Variants in FLT3 observed in about 807,000 individuals in gnomAD.
The protein encoded by FLT3 is receptor-type tyrosine-protein kinase FLT3.
Under a neutral mutation model 126.6 loss-of-function variants are expected in FLT3, and 46 were observed. The ratio of observed to expected loss-of-function variants is 0.36; its 90% CI spans 0.29 to 0.46. The LOEUF (loss-of-function observed/expected upper bound fraction) is 0.46. Among genes scored for constraint, FLT3 ranks in the 20% least tolerant of loss-of-function variants. The probability of loss-of-function intolerance (pLI) is 1.00; values close to 1 mark genes in which losing one functional copy is unlikely to be tolerated. For missense variants in FLT3, 1,069 were observed against 1,190.3 expected, an observed-to-expected ratio of 0.90 and a Z score of 1.50; for synonymous variants, 404 against 434.4, an observed-to-expected ratio of 0.93 and a Z score of 0.87.
chr13:28,056,290 CAGA>C (rs1296629742), intron 4 of FLT3, among the ~76,000 whole-genome samples: 2 of 152,144 alleles, frequency 1.3e-5, no homozygotes, highest in African/African-American at 2.4e-5. Context: ...ATGAAACAGG[CAGA>C]AGATCTTCAG....
rs543502987 is a variant in FLT3, at chr13:28,100,072, G to C, written c.43+396C>G. ...ACAGTATCCAAGGGCCGGGCCAGGAGAGGTCCTTGGCCACCTGGCGCCGAG... is the reference window on the plus strand; with the variant it reads ...ACAGTATCCAAGGGCCGGGCCAGGACAGGTCCTTGGCCACCTGGCGCCGAG... On this transcript the variant is annotated intron_variant, in intron 1 of 23. Transcript: ENST00000241453. This position sits in a 1 kb window ranked among gnomAD's most constrained non-coding sequence, Gnocchi z 4.8. 6.6e-6 allele frequency among the ~76,000 whole-genome samples: 1 copy of C among 152,256 alleles called. No individual in the cohort carries two copies. Among genetic ancestry groups the C allele is most frequent in the African/African-American group, 2.4e-5 (1 of 41,574 alleles).
At chr13:28,053,693 A>G (rs1458929174) in intron 4 of FLT3, among the ~76,000 whole-genome samples, 2 of 152,042 alleles carry the variant, frequency 1.3e-5, no homozygotes, top group African/African-American at 2.4e-5. Flanking sequence ...TGTAACTTCT[A>G]CAACTTCATT....
chr13:28,084,261 G>A (rs1878510185), intron 1 of FLT3, among the ~76,000 whole-genome samples: 1 of 151,844 alleles, frequency 6.6e-6, no homozygotes, highest in African/African-American at 2.4e-5. Context: ...CAAAAATGCT[G>A]GGATTACATG....
chr13:28,091,284 C>G (rs866854064), intron 1 of FLT3, among the ~76,000 whole-genome samples: 140 of 122,528 alleles, frequency 1.1e-3, no homozygotes, highest in East Asian at 0.011. Context: ...TGCAGTGGCG[C>G]GATCTCGGCT....
In FLT3 at chr13:28,059,355, C is replaced by T. The variant is rs73154840; in HGVS notation, c.369-1893G>A. Among the ~76,000 whole-genome samples the T allele has an allele frequency of 7.4e-3, 1,126 of 152,216 alleles. 6 individuals carry two copies. Among genetic ancestry groups the T allele is most frequent in the Non-Finnish European group, 0.013 (855 of 68,034 alleles). On this transcript the variant is annotated intron_variant, in intron 3 of 23. Transcript: ENST00000241453. The stretch of plus-strand genomic sequence containing the variant: ...CCACAAGAATGTAAAAGAAAGGCTG[C>T]GTTAAGAGGGCATTTAATTGACCTA...
At chr13:28,006,855 T>C (rs747618284) in intron 23 of FLT3, among the ~76,000 whole-genome samples, 11 of 152,014 alleles carry the variant, frequency 7.2e-5, no homozygotes, top group Non-Finnish European at 1.2e-4. Context: ...CAAGCAATTC[T>C]TGTGCCTCAA....
At chr13:28,071,578 T>C (rs986992968) in intron 1 of FLT3, among the ~76,000 whole-genome samples, 6 of 152,158 alleles carry the variant, frequency 3.9e-5, no homozygotes, top group Non-Finnish European at 8.8e-5. Flanking sequence ...GACAGTCTCT[T>C]CACATATAAG....
Position 28,049,512 on chromosome 13 carries a change from T to C in FLT3, c.908A>G (p.Tyr303Cys). The C allele has an allele frequency of 6.2e-7, 1 of 1,613,992 alleles. No homozygotes were observed. Among genetic ancestry groups the C allele is most frequent in the Non-Finnish European group, 8.5e-7 (1 of 1,179,894 alleles). ...CCGTATCATAGTTCTGTTTGTTGAA[T>C]AGGTACTCATCTCAAAGTAGTTGCC... Reference protein sequence around the residue: ...EEGNYFEMSTYSTNRTMIRIL... With the variant: ...EEGNYFEMSTCSTNRTMIRIL... The change falls in exon 8 of 24, where the codon TAT (tyrosine) becomes TGT (cysteine). Residue 303 changes from tyrosine to cysteine, a missense_variant. Transcript: ENST00000241453.
chr13:28,093,652 T>C (rs1254309926), intron 1 of FLT3, among the ~76,000 whole-genome samples: 1 of 152,316 alleles, frequency 6.6e-6, no homozygotes, highest in East Asian at 1.9e-4. Flanking sequence ...CTCTTCTTTC[T>C]CTGACAAGTC....
At chr13:28,070,404 C>T (rs1877395599) in intron 2 of FLT3, 87 bp downstream of exon 2, 2 of 1,089,800 alleles carry the variant, frequency 1.8e-6, no homozygotes, top group African/African-American at 3.1e-5. Flanking sequence ...AAAGAGAAGC[C>T]CATTTAGCCA....
chr13:28,017,837 T>C (rs1872024054), intron 20 of FLT3, among the ~76,000 whole-genome samples: 1 of 152,112 alleles, frequency 6.6e-6, no homozygotes, highest in South Asian at 2.1e-4. Flanking sequence ...GCTAATTTTT[T>C]GTATTTTCAG....
chr13:28,010,056 T>G (rs1871229650), intron 23 of FLT3, among the ~76,000 whole-genome samples: 5 of 152,172 alleles, frequency 3.3e-5, no homozygotes, highest in Admixed American at 3.3e-4. Context: ...TCTCAACTGA[T>G]GTCCTGACAT....
intron 15 of FLT3, 21 bp downstream of exon 15, chr13:28,033,866 T>C (rs1873580154): frequency 6.3e-7 from 1 of 1,583,008 alleles, no homozygotes; most frequent in Non-Finnish European, 8.7e-7. Flanking sequence ...TCTTTGTTGC[T>C]GTCCTTCCAC....
intron 19 of FLT3, 105 bp from the exon 20 acceptor site, chr13:28,018,694 G>T (rs1276116754): frequency 8.1e-7 from 1 of 1,229,780 alleles, no homozygotes; most frequent in East Asian, 2.4e-5. Flanking sequence ...GTGATGGAAG[G>T]CCTCTTATCT....
chr13:28,068,654 C>T (rs1239916400), intron 2 of FLT3, among the ~76,000 whole-genome samples: 2 of 152,220 alleles, frequency 1.3e-5, no homozygotes, highest in Non-Finnish European at 2.9e-5. Context: ...CAACCTCCAC[C>T]TCCCTGGTTC....
At chr13:28,027,012 A>G (rs1009993230) in intron 17 of FLT3, 76 bp downstream of exon 17, 48 of 1,315,774 alleles carry the variant, frequency 3.6e-5, no homozygotes, top group Non-Finnish European at 4.7e-5. Flanking sequence ...AAACTGGTCA[A>G]CGAAGTGTGT....
intron 17 of FLT3, 75 bp downstream of exon 17, chr13:28,027,013 C>G (rs1390191395): frequency 7.6e-7 from 1 of 1,324,124 alleles, no homozygotes; most frequent in Admixed American, 2.0e-5. Flanking sequence ...AACTGGTCAA[C>G]GAAGTGTGTT....
intron 1 of FLT3, among the ~76,000 whole-genome samples, chr13:28,079,416 C>A (rs1878176517): frequency 6.6e-6 from 1 of 152,172 alleles, no homozygotes; most frequent in Admixed American, 6.5e-5. Context: ...CTGAGCCCTC[C>A]AAACTGTTCC....
chr13:28,072,971 C>CTG (rs1877652395), intron 1 of FLT3, among the ~76,000 whole-genome samples: 1 of 151,944 alleles, frequency 6.6e-6, no homozygotes, highest in Non-Finnish European at 1.5e-5. Context: ...TGCCACTGCA[C>CTG]TCCAGCCTGG....
Sources: allele counts gnomAD v4.1 joint callset (sites outside exome capture counted in the v4.1 genomes callset), GRCh38; gene constraint gnomAD v4.1.1; non-coding constraint Gnocchi (gnomAD v3.1); transcripts MANE v1.5; gene names NCBI Gene and HGNC (gene_info 2026-07-23, HGNC 2026-07-21).